Variants in TFEC observed in about 807,000 individuals in gnomAD.
TFEC encodes the protein transcription factor EC.
Under a neutral mutation model 41.6 loss-of-function variants are expected in TFEC, and 31 were observed. The ratio of observed to expected loss-of-function variants is 0.74; its 90% CI spans 0.56 to 1.01. The LOEUF is 1.01. Ranked by LOEUF, TFEC falls within the 50% of genes least tolerant of loss-of-function variation. The probability of loss-of-function intolerance (pLI) is 0.00; values close to 1 mark genes in which losing one functional copy is unlikely to be tolerated. For missense variants in TFEC, 402 were observed against 404.1 expected (o/e 0.99, Z 0.04); for synonymous variants, 143 against 140.6 (o/e 1.02, Z -0.12).
chr7:116,026,916 C>T (rs1344705980), intron 1 of TFEC, among the ~76,000 whole-genome samples: 1 of 152,128 alleles, frequency 6.6e-6, no homozygotes, highest in African/African-American at 2.4e-5. Context: ...TGGGGAGAAA[C>T]ACTAGAGAGT....
chr7:115,993,028 T>G (rs904178980), intron 1 of TFEC, among the ~76,000 whole-genome samples: 1 of 152,194 alleles, frequency 6.6e-6, no homozygotes, highest in Non-Finnish European at 1.5e-5. Flanking sequence ...GCTTCAACCC[T>G]GGGATGCAAG....
rs1254567273 is a variant in TFEC, at chr7:115,938,116, G to C, written c.*2435C>G. 4 of 151,762 alleles carry C rather than the reference G, an allele frequency of 2.6e-5. No homozygotes were observed. Among genetic ancestry groups the C allele is most frequent in the Non-Finnish European group, 5.9e-5 (4 of 67,870 alleles). The allele number at this position is 151,762 out of a possible 1,614,324, so 9.4% of individuals were successfully genotyped here. ...TTGTGTCCAGGCTCTATCATCCTGT[G>C]CCAAGTCCTTATCTCAGCCAAGATT... On this transcript the variant is annotated 3_prime_UTR_variant, in exon 8 of 8. Transcript: ENST00000265440.
At chr7:116,079,138 G>A (rs1020624916) in intron 3 of TFEC, among the ~76,000 whole-genome samples, 1 of 152,034 alleles carries the variant, frequency 6.6e-6, no homozygotes, top group Admixed American at 6.6e-5. Context: ...ATCTCTTTAT[G>A]ATTAAAACCC....
chr7:115,979,800 C>T (rs62477240), intron 2 of TFEC, among the ~76,000 whole-genome samples: 20,825 of 152,078 alleles, frequency 0.14, 1,920 homozygotes, highest in Non-Finnish European at 0.21. Context: ...CCTTCACTTT[C>T]GTATACAATA....
At chr7:115,957,206 C>T (rs547115497) in intron 3 of TFEC, among the ~76,000 whole-genome samples, 17 of 152,014 alleles carry the variant, frequency 1.1e-4, no homozygotes, top group Non-Finnish European at 1.9e-4. Flanking sequence ...TTAGGTATAA[C>T]GGTTGAACAT....
rs1482955744 is a variant in TFEC at position 115,937,296 on chromosome 7, T to C, written c.*3255A>G. 1 of 151,766 alleles carries C rather than the reference T, an allele frequency of 6.6e-6. No individual in the cohort carries two copies. The highest frequency in any genetic ancestry group is 1.5e-5 in the Non-Finnish European group (1 of 67,750). 9.4% of individuals were successfully genotyped at this position (151,766 alleles called of 1,614,324 possible). A position where few individuals can be genotyped will look rare whatever the true frequency, so the allele number is the denominator to read the frequency against. On this transcript the variant is annotated 3_prime_UTR_variant, in exon 8 of 8. Transcript: ENST00000265440. ...GAATGAATAAATCAATAATTATGCA[T>C]TAATAGTCCCATTACAGTTGATGCT...
chr7:115,981,287 A>C (rs1793619102), intron 2 of TFEC, among the ~76,000 whole-genome samples: 1 of 152,152 alleles, frequency 6.6e-6, no homozygotes, highest in Admixed American at 6.6e-5. Context: ...GTCTTTCAAC[A>C]CCCAACTCAA....
At chr7:115,998,428 A>G (rs1794454035) in intron 1 of TFEC, among the ~76,000 whole-genome samples, 1 of 152,018 alleles carries the variant, frequency 6.6e-6, no homozygotes, top group South Asian at 2.1e-4. Context: ...AGAAGACCAC[A>G]TAACAAACAG....
chr7:115,967,718 TG>T (rs1393842871), intron 3 of TFEC, among the ~76,000 whole-genome samples: 1 of 151,820 alleles, frequency 6.6e-6, no homozygotes, highest in African/African-American at 2.4e-5. Context: ...CTTGGTGAGC[TG>T]GTTTATAATA....
intron 1 of TFEC, among the ~76,000 whole-genome samples, chr7:116,017,489 GGGATTACA>G (rs1316171061): frequency 1.4e-4 from 21 of 152,190 alleles, no homozygotes; most frequent in African/African-American, 3.9e-4. Flanking sequence ...CCAAAGTGCT[GGGATTACA>G]GGCATGAGCC....
intron 3 of TFEC, among the ~76,000 whole-genome samples, chr7:116,057,691 A>C (rs1796461036): frequency 6.6e-6 from 1 of 151,874 alleles, no homozygotes; most frequent in African/African-American, 2.4e-5. Flanking sequence ...AAACAATAGT[A>C]ATGCATTGAG....
intron 3 of TFEC, among the ~76,000 whole-genome samples, chr7:116,097,343 T>C (rs1328052350): frequency 1.3e-5 from 2 of 152,200 alleles, no homozygotes; most frequent in Non-Finnish European, 2.9e-5. Context: ...TTTTCTCCTA[T>C]ATAGACATGT....
chr7:116,043,175 A>G (rs1796080483), intron 3 of TFEC, among the ~76,000 whole-genome samples: 1 of 152,194 alleles, frequency 6.6e-6, no homozygotes, highest in Admixed American at 6.5e-5. Flanking sequence ...TGAAGCTTAC[A>G]TGTGATGGGA....
chr7:116,114,917 G>C (rs1027189263), intron 1 of TFEC, among the ~76,000 whole-genome samples: 1 of 151,786 alleles, frequency 6.6e-6, no homozygotes, highest in African/African-American at 2.4e-5. Flanking sequence ...CCAGTAATGG[G>C]GAGAGAGGAC....
intron 3 of TFEC, among the ~76,000 whole-genome samples, chr7:116,102,799 A>G (rs1351882129): frequency 6.6e-6 from 1 of 152,210 alleles, no homozygotes; most frequent in Non-Finnish European, 1.5e-5. Context: ...AGTGGCATCT[A>G]TGTAGAAGAG....
In TFEC at chr7:115,974,230, G is replaced by A. The variant is rs186925835; in HGVS notation, c.207C>T (p.Ile69=). ...CCTCTTTAAAACTTGATTCCATACC[G>A]ATTATATCCTCAATAACGTCCTCCA... The part of the protein sequence containing the change: ...WHMEDVIEDI[I]GMESSFKEEG... The change falls in exon 3 of 8, where the codon ATC becomes ATT. Residue 69 remains isoleucine, a synonymous_variant. Coordinates refer to ENST00000265440, the MANE Select transcript of TFEC (RefSeq NM_012252.4). 7 of 1,590,634 alleles carry A rather than the reference G, an allele frequency of 4.4e-6. No individual in the cohort carries two copies. Among genetic ancestry groups the A allele is most frequent in the South Asian group, 1.1e-5 (1 of 87,028 alleles).
chr7:116,138,797 C>T (rs1459165182), intron 1 of TFEC, among the ~76,000 whole-genome samples: 1 of 152,114 alleles, frequency 6.6e-6, no homozygotes, highest in Non-Finnish European at 1.5e-5. Context: ...ACTTTGGTAA[C>T]AGCAGGAGCC....
At chr7:116,077,113 T>A (rs1796977455) in intron 3 of TFEC, among the ~76,000 whole-genome samples, 1 of 152,102 alleles carries the variant, frequency 6.6e-6, no homozygotes, top group Admixed American at 6.6e-5. Flanking sequence ...GGGATTGAGG[T>A]CCTATTTTTA....
chr7:116,102,660 G>A (rs956272892), intron 3 of TFEC, among the ~76,000 whole-genome samples: 3 of 152,158 alleles, frequency 2.0e-5, no homozygotes, highest in African/African-American at 7.2e-5. Context: ...CTAAGTGCAT[G>A]GATAAGTATT....
Sources: gnomAD v4.1 joint callset for allele counts (sites outside exome capture counted in the v4.1 genomes callset) on GRCh38, gnomAD v4.1.1 for gene constraint, MANE v1.5 for transcripts, NCBI Gene and HGNC (gene_info 2026-07-23, HGNC 2026-07-21) for gene names.